The following EPB41L4B variants were observed in gnomAD, a reference collection of about 807,000 sequenced individuals.
EPB41L4B encodes erythrocyte membrane protein band 4.1 like 4B.
A neutral mutation model predicts 112.5 loss-of-function variants in EPB41L4B; 30 were observed. The observed-to-expected ratio is 0.27, with a 90% CI of 0.20 to 0.36. The LOEUF (loss-of-function observed/expected upper bound fraction) is 0.36, where lower values mean the gene tolerates loss of function less well. Ranked by LOEUF, EPB41L4B falls within the 10% of genes least tolerant of loss-of-function variation. EPB41L4B has a pLI of 1.00. For synonymous variants in EPB41L4B, 408 were observed against 439.7 expected (o/e 0.93, Z 0.90); for missense variants, 1,024 against 1,133.3 (o/e 0.90, Z 1.38).
intron 15 of EPB41L4B, among the ~76,000 whole-genome samples, chr9:109,237,126 G>A (rs1310898468): frequency 6.6e-6 from 1 of 152,218 alleles, no homozygotes; most frequent in African/African-American, 2.4e-5. Context: ...TGGAGTCGCT[G>A]ACCTGGAAGG....
At chr9:109,256,538 G>A (rs1834990694) in intron 7 of EPB41L4B, 58 bp from the exon 8 acceptor site, 1 of 1,452,672 alleles carries the variant, frequency 6.9e-7, no homozygotes, top group South Asian at 1.2e-5. Flanking sequence ...ACAGGATTCT[G>A]AAGGGCACGG....
At chr9:109,244,440 T>C (rs1834471519) in intron 14 of EPB41L4B, among the ~76,000 whole-genome samples, 4 of 13,270 alleles carry the variant, frequency 3.0e-4, no homozygotes, top group East Asian at 0.012. Context: ...TTGTCTTTTT[T>C]TTTTTTTTTT....
At chr9:109,192,153 C>G (rs1832481580) in intron 22 of EPB41L4B, 125 bp downstream of exon 22, 4 of 765,422 alleles carry the variant, frequency 5.2e-6, no homozygotes, top group Admixed American at 2.5e-5. Flanking sequence ...AAGCTGATCC[C>G]TGAGCCTCCA....
intron 6 of EPB41L4B, among the ~76,000 whole-genome samples, chr9:109,260,258 C>T (rs1835148501): frequency 6.6e-6 from 1 of 151,748 alleles, no homozygotes; most frequent in South Asian, 2.1e-4. Context: ...TTTGTAGAGA[C>T]AGGGTTTTGC....
At chr9:109,249,122 T>A (rs1834683815) in intron 13 of EPB41L4B, among the ~76,000 whole-genome samples, 1 of 151,406 alleles carries the variant, frequency 6.6e-6, no homozygotes, top group Non-Finnish European at 1.5e-5. Flanking sequence ...GCAATCATTA[T>A]TGCCAGGAGG....
chr9:109,213,589 A>C (rs1381887068), intron 17 of EPB41L4B, 111 bp downstream of exon 17: 1 of 779,998 alleles, frequency 1.3e-6, no homozygotes, highest in African/African-American at 1.7e-5. Context: ...GATGGAATAG[A>C]GATCCCTCCA....
intron 16 of EPB41L4B, among the ~76,000 whole-genome samples, chr9:109,215,113 G>A (rs531460246): frequency 5.9e-4 from 89 of 152,112 alleles, no homozygotes; most frequent in Non-Finnish European, 9.4e-4. Flanking sequence ...GGCCCATCCT[G>A]TCTCAACAGC....
intron 1 of EPB41L4B, among the ~76,000 whole-genome samples, chr9:109,310,074 G>A (rs920220464): frequency 2.6e-5 from 4 of 152,088 alleles, no homozygotes; most frequent in Non-Finnish European, 4.4e-5. Context: ...AGTTCAAAGC[G>A]GTGTTTTTTT....
At chr9:109,194,524 C>T (rs1018745883) in intron 20 of EPB41L4B, 127 bp from the exon 21 acceptor site, 15 of 971,546 alleles carry the variant, frequency 1.5e-5, no homozygotes, top group Non-Finnish European at 2.1e-5. Flanking sequence ...AACAGATGTC[C>T]ACCAGATGTC....
At chr9:109,240,123 A>C (rs1834301595) in intron 15 of EPB41L4B, 1 of 985,292 alleles carries the variant, frequency 1.0e-6, no homozygotes. Context: ...TAGCAACAAG[A>C]ATCAATTTAA....
At chr9:109,232,360 G>A (rs1564282612) in intron 15 of EPB41L4B, among the ~76,000 whole-genome samples, 2 of 151,680 alleles carry the variant, frequency 1.3e-5, no homozygotes, top group Non-Finnish European at 2.9e-5. Flanking sequence ...CCTTTATTCT[G>A]TTTTTTCAGG....
At chr9:109,251,098 T>C (rs1286105808) in intron 13 of EPB41L4B, among the ~76,000 whole-genome samples, 2 of 152,256 alleles carry the variant, frequency 1.3e-5, no homozygotes, top group Non-Finnish European at 2.9e-5. Flanking sequence ...AACCTGCACG[T>C]CACTGAGCAA....
intron 15 of EPB41L4B, among the ~76,000 whole-genome samples, chr9:109,242,833 C>A (rs1253341596): frequency 7.4e-6 from 1 of 135,270 alleles, no homozygotes; most frequent in Non-Finnish European, 1.5e-5. Flanking sequence ...CATTTGCTTT[C>A]ACAAAGCTAG....
At position 109,246,982 on chromosome 9, in the gene EPB41L4B, A is replaced by G. The variant is rs192516382; in HGVS notation, c.1344+774T>C. Among the ~76,000 whole-genome samples, 567 of 152,238 alleles carry G rather than the reference A, an allele frequency of 3.7e-3. 2 individuals carry two copies. The highest frequency in any genetic ancestry group is 5.5e-3 in the Non-Finnish European group (377 of 68,004). ...CTAGCGTTTTTTTAAAAAAGATATG[A>G]AGGGGCTGAGGCTAGTGTTTGTCTT... On this transcript the variant is annotated intron_variant, in intron 14 of 25. Coordinates refer to ENST00000374566, the MANE Select transcript of EPB41L4B (RefSeq NM_019114.5).
At chr9:109,298,313 C>CGT (rs1836817540) in intron 1 of EPB41L4B, among the ~76,000 whole-genome samples, 1 of 143,090 alleles carries the variant, frequency 7.0e-6, no homozygotes, top group Non-Finnish European at 1.5e-5. Context: ...ATCATATATG[C>CGT]TTTTTTTTTT....
chr9:109,218,797 G>T (rs894662961), intron 15 of EPB41L4B, among the ~76,000 whole-genome samples: 9 of 152,076 alleles, frequency 5.9e-5, no homozygotes, highest in African/African-American at 2.2e-4. Flanking sequence ...AAGACTTCCA[G>T]CCTTTAAGAC....
At chr9:109,203,511 T>G in intron 19 of EPB41L4B, 152 bp downstream of exon 19, 2 of 629,108 alleles carry the variant, frequency 3.2e-6, no homozygotes, top group Non-Finnish European at 5.4e-6. Flanking sequence ...GAAAGTTAGT[T>G]AAGCCAGTCT....
At chr9:109,202,414 T>C (rs79727364) in intron 19 of EPB41L4B, among the ~76,000 whole-genome samples, 10,318 of 152,220 alleles carry the variant, frequency 0.068, 433 homozygotes, top group African/African-American at 0.11. Context: ...ATGATTCTTG[T>C]CTCTACTGGC....
At chr9:109,213,925 G>T in intron 16 of EPB41L4B, 107 bp from the exon 17 acceptor site, 1 of 926,474 alleles carries the variant, frequency 1.1e-6, no homozygotes, top group Non-Finnish European at 1.7e-6. Flanking sequence ...CTTTCTGCCG[G>T]CCTCCTCCTC....
Sources: allele counts gnomAD v4.1 joint callset (sites outside exome capture counted in the v4.1 genomes callset), GRCh38; gene constraint gnomAD v4.1.1; transcripts MANE v1.5; gene names NCBI Gene and HGNC (gene_info 2026-07-23, HGNC 2026-07-21).